PDE10A: variants seen among roughly 807,000 people sequenced by gnomAD.
PDE10A encodes cAMP and cAMP-inhibited cGMP 3',5'-cyclic phosphodiesterase 10A.
PDE10A carries 39 observed loss-of-function variants against 97.7 expected under a neutral mutation model. The ratio of observed to expected loss-of-function variants is 0.40; its 90% CI spans 0.31 to 0.52. The LOEUF is 0.52. Among genes scored for constraint, PDE10A ranks in the 20% least tolerant of loss-of-function variants. The pLI, the probability that PDE10A is intolerant of heterozygous loss-of-function variation, is 0.56. For synonymous variants in PDE10A, 371 were observed against 376.8 expected, an observed-to-expected ratio of 0.98 and a Z score of 0.18; for missense variants, 731 against 1,047.8, an observed-to-expected ratio of 0.70 and a Z score of 4.17.
intron 18 of PDE10A, among the ~76,000 whole-genome samples, chr6:165,346,525 G>A (rs1230187172): frequency 6.6e-6 from 1 of 152,120 alleles, no homozygotes; most frequent in African/African-American, 2.4e-5. Context: ...CCTCAAAGAG[G>A]CGGGCACCTC....
chr6:165,753,623 C>T (rs1793055075), intron 1 of PDE10A, among the ~76,000 whole-genome samples: 1 of 152,020 alleles, frequency 6.6e-6, no homozygotes, highest in Non-Finnish European at 1.5e-5. Context: ...TTTTTTCCCA[C>T]CACAGATGCT....
At chr6:165,843,249 C>T (rs1422451309) in intron 1 of PDE10A, among the ~76,000 whole-genome samples, 1 of 152,198 alleles carries the variant, frequency 6.6e-6, no homozygotes, top group Non-Finnish European at 1.5e-5. Context: ...GCCTTATAGG[C>T]TCGCAAGGTG....
intron 1 of PDE10A, among the ~76,000 whole-genome samples, chr6:165,702,906 A>T (rs1791615911): frequency 6.6e-6 from 1 of 152,188 alleles, no homozygotes; most frequent in Non-Finnish European, 1.5e-5. Flanking sequence ...TGCCGTGGGA[A>T]AGGCTGAACA....
chr6:165,422,920 G>A (rs1478284822), intron 10 of PDE10A, among the ~76,000 whole-genome samples: 1 of 152,016 alleles, frequency 6.6e-6, no homozygotes, highest in Non-Finnish European at 1.5e-5. Context: ...CTATGTAAGG[G>A]TAGTAGGTAA....
intron 1 of PDE10A, among the ~76,000 whole-genome samples, chr6:165,915,281 A>T (rs544494090): frequency 1.3e-5 from 2 of 152,358 alleles, no homozygotes; most frequent in South Asian, 4.1e-4. Flanking sequence ...GAAGGCTGTG[A>T]CAAGGTCCCT....
intron 1 of PDE10A, among the ~76,000 whole-genome samples, chr6:165,947,855 A>G (rs1392621984): frequency 6.6e-6 from 1 of 152,034 alleles, no homozygotes; most frequent in Admixed American, 6.6e-5. Flanking sequence ...CTTACCCCCG[A>G]CCTGGAATTA....
chr6:165,548,636 A>C (rs2128327384), intron 1 of PDE10A, among the ~76,000 whole-genome samples: 1 of 152,250 alleles, frequency 6.6e-6, no homozygotes, highest in Middle Eastern at 3.4e-3. Context: ...TTCTGTCAGA[A>C]GTTTTTTGTG....
At chr6:165,712,368 G>A (rs750158892) in intron 1 of PDE10A, among the ~76,000 whole-genome samples, 52 of 152,160 alleles carry the variant, frequency 3.4e-4, no homozygotes, top group Non-Finnish European at 4.9e-4. Flanking sequence ...CTCCTGATGT[G>A]TGCATGTGCT....
chr6:165,502,938 T>C (rs989673102), intron 2 of PDE10A, among the ~76,000 whole-genome samples: 1 of 152,192 alleles, frequency 6.6e-6, no homozygotes, highest in Non-Finnish European at 1.5e-5. Flanking sequence ...CAGGATAATA[T>C]ACATTCATGA....
At chr6:165,893,824 A>ATT (rs11381418) in intron 1 of PDE10A, among the ~76,000 whole-genome samples, 2,989 of 145,414 alleles carry the variant, frequency 0.021, 63 homozygotes, top group Non-Finnish European at 0.027. Context: ...CATTAGTGCC[A>ATT]TTTTTTTTTT....
At chr6:165,822,229 T>A (rs1038864770) in intron 1 of PDE10A, among the ~76,000 whole-genome samples, 2 of 151,564 alleles carry the variant, frequency 1.3e-5, no homozygotes, top group African/African-American at 4.9e-5. Context: ...ACACCTGGGC[T>A]GGATGGCACA....
intron 11 of PDE10A, among the ~76,000 whole-genome samples, chr6:165,416,863 A>T (rs220747): frequency 6.6e-6 from 1 of 152,036 alleles, no homozygotes; most frequent in Non-Finnish European, 1.5e-5. Flanking sequence ...ATTTTTACCT[A>T]ATTTGTTAAA....
rs193023220 is a variant in PDE10A, at chr6:165,870,427, T to C, written c.-615+117102A>G. Among the ~76,000 whole-genome samples, 261 of 152,298 alleles carry C rather than the reference T, an allele frequency of 1.7e-3. 4 individuals are homozygous for C. The highest frequency in any genetic ancestry group is 0.015 in the Admixed American group (231 of 15,300). On this transcript the variant is annotated intron_variant, in intron 1 of 19. Coordinates refer to the PDE10A transcript ENST00000366882. ...ATTGTCTCACTCCATCCAGTTAGAA[T>C]GGCTACTATCGAAAAGACAAAAAAT... is the stretch of plus-strand genomic sequence containing the variant.
At chr6:165,971,925 T>C (rs1218935846) in intron 1 of PDE10A, among the ~76,000 whole-genome samples, 1 of 152,170 alleles carries the variant, frequency 6.6e-6, no homozygotes, top group Admixed American at 6.5e-5. Flanking sequence ...TATGTACCCA[T>C]GGCGTTGACT....
chr6:165,386,569 A>G (rs1157364265), intron 17 of PDE10A, among the ~76,000 whole-genome samples: 2 of 152,198 alleles, frequency 1.3e-5, no homozygotes, highest in Non-Finnish European at 2.9e-5. Context: ...ATAGTCTCCA[A>G]TGATGAATGA....
chr6:165,861,764 G>A (rs1408842120), intron 1 of PDE10A, among the ~76,000 whole-genome samples: 1 of 152,192 alleles, frequency 6.6e-6, no homozygotes, highest in Non-Finnish European at 1.5e-5. Context: ...CTGGGATAGA[G>A]TTTGATGGCA....
intron 2 of PDE10A, among the ~76,000 whole-genome samples, chr6:165,532,726 G>T (rs992871915): frequency 6.6e-6 from 1 of 152,130 alleles, no homozygotes; most frequent in Non-Finnish European, 1.5e-5. Flanking sequence ...TGATGTTCAT[G>T]TTACTGGTCT....
chr6:165,565,543 A>G (rs185454871), intron 1 of PDE10A, among the ~76,000 whole-genome samples: 1 of 152,306 alleles, frequency 6.6e-6, no homozygotes, highest in African/African-American at 2.4e-5. Context: ...TCAAAATAGA[A>G]ATCCCAGGAA....
intron 3 of PDE10A, among the ~76,000 whole-genome samples, chr6:165,472,870 T>C (rs917237858): frequency 2.0e-5 from 3 of 152,190 alleles, no homozygotes; most frequent in African/African-American, 7.2e-5. Flanking sequence ...GTTATTTTAA[T>C]GGGACTACAA....
Sources: allele counts gnomAD v4.1 joint callset (sites outside exome capture counted in the v4.1 genomes callset), GRCh38; gene constraint gnomAD v4.1.1; transcripts MANE v1.5; gene names NCBI Gene and HGNC (gene_info 2026-07-23, HGNC 2026-07-21).